The following NLRP11 variants were observed in gnomAD, a reference collection of about 807,000 sequenced individuals.
NLRP11 encodes the protein NACHT, LRR and PYD domains-containing protein 11.
NLRP11 carries 53 observed loss-of-function variants against 79.3 expected under a neutral mutation model. That is an observed-to-expected ratio of 0.67 (90% confidence interval 0.54 to 0.84). NLRP11 has a LOEUF of 0.84. Ranked by LOEUF, NLRP11 falls within the 40% of genes least tolerant of loss-of-function variation. The pLI is 0.00. For missense variants in NLRP11, 1,264 were observed against 1,255.0 expected, an observed-to-expected ratio of 1.01 and a Z score of -0.11; for synonymous variants, 518 against 462.6, an observed-to-expected ratio of 1.12 and a Z score of -1.54.
Position 55,801,636 on chromosome 19 carries a change from G to C in NLRP11, c.2107C>G (p.Leu703Val), listed in dbSNP as rs1031011088. 9 of 1,613,906 alleles carry C rather than the reference G, an allele frequency of 5.6e-6. No individual in the cohort carries two copies. In the African/African-American group the frequency reaches 1.2e-4, roughly 22 times the overall value. The stretch of plus-strand genomic sequence containing the variant: ...TCATGCAGAAGTGAAAACATATTTA[G>C]GGAAATGGACGTACAGTTGATACTC... Residue 703 changes from leucine (L) to valine (V), a missense_variant, in exon 5 of 10, where the codon CTA (leucine) becomes GTA (valine). Coordinates refer to ENST00000589093, the Ensembl canonical transcript of NLRP11.
intron 1 of NLRP11, among the ~76,000 whole-genome samples, chr19:55,830,042 CAA>C (rs1489603465): frequency 2.6e-5 from 4 of 152,154 alleles, no homozygotes; most frequent in African/African-American, 9.7e-5. Context: ...CAAAATTCTC[CAA>C]TATATTTATT....
intron 2 of NLRP11, among the ~76,000 whole-genome samples, chr19:55,813,716 G>A (rs1022551683): frequency 6.6e-6 from 1 of 152,146 alleles, no homozygotes; most frequent in African/African-American, 2.4e-5. Context: ...GAAGCAGGAA[G>A]GATTTCTATT....
chr19:55,806,765 A>G (rs947086044), intron 4 of NLRP11, among the ~76,000 whole-genome samples: 1 of 152,170 alleles, frequency 6.6e-6, no homozygotes, highest in African/African-American at 2.4e-5. Context: ...TGATCATGCC[A>G]TACATACTTG....
intron 9 of NLRP11, among the ~76,000 whole-genome samples, chr19:55,788,472 G>C (rs1290511835): frequency 6.6e-6 from 1 of 150,936 alleles, no homozygotes; most frequent in East Asian, 2.0e-4. Context: ...CAGGCGCGGT[G>C]GCTCACGCCT....
chr19:55,789,428 A>G, intron 7 of NLRP11, 29 bp from the exon 8 acceptor site: 1 of 1,587,330 alleles, frequency 6.3e-7, no homozygotes, highest in South Asian at 1.1e-5. Flanking sequence ...AGCTAGAGTC[A>G]TGACCACCTG....
At chr19:55,822,397 C>T (rs1309231035) in intron 1 of NLRP11, among the ~76,000 whole-genome samples, 4 of 152,206 alleles carry the variant, frequency 2.6e-5, no homozygotes, top group South Asian at 4.1e-4. Context: ...TTTTATCAGA[C>T]TGCAGGGAGG....
At chr19:55,833,960 A>C (rs1983025093), upstream of NLRP11, among the ~76,000 whole-genome samples, 1 of 151,780 alleles carries the variant, frequency 6.6e-6, no homozygotes, top group African/African-American at 2.4e-5. Flanking sequence ...AAAAAAAAAA[A>C]ATGGATCCCT....
chr19:55,816,729 G>A (rs1981151011), intron 2 of NLRP11, among the ~76,000 whole-genome samples: 1 of 152,150 alleles, frequency 6.6e-6, no homozygotes, highest in Admixed American at 6.5e-5. Flanking sequence ...GGATCTTATG[G>A]TTCTAGGACA....
intron 2 of NLRP11, among the ~76,000 whole-genome samples, chr19:55,816,515 A>G (rs765040517): frequency 6.6e-6 from 1 of 152,166 alleles, no homozygotes; most frequent in South Asian, 2.1e-4. Flanking sequence ...ATTGGAATAC[A>G]TGATTTTATC....
rs140837694 is a variant in NLRP11 at position 55,789,138 on chromosome 19, G to A, written c.2684+91C>T. 2.4e-5 allele frequency: 34 copies of A among 1,419,918 alleles called. No homozygotes were observed. In the African/African-American group the frequency reaches 2.4e-4, roughly 10 times the overall value. The allele number at this position is 1,419,918 out of a possible 1,614,324, so 88.0% of individuals were successfully genotyped here. A position where few individuals can be genotyped will look rare whatever the true frequency, so the allele number is the denominator to read the frequency against. Reference sequence around the variant, plus strand: ...TTTCAAACACTAGACTATTATGTCCGAGGTATTGTATTTCCCAATCCACTT... The same window carrying A: ...TTTCAAACACTAGACTATTATGTCCAAGGTATTGTATTTCCCAATCCACTT... On this transcript the variant is annotated intron_variant, in intron 8 of 9. Transcript: ENST00000589093.
intron 6 of NLRP11, among the ~76,000 whole-genome samples, chr19:55,795,359 C>G (rs578170559): frequency 1.3e-5 from 2 of 152,152 alleles, no homozygotes; most frequent in South Asian, 4.1e-4. Flanking sequence ...TCTTTGTGTT[C>G]TCAGTCACAT....
At chr19:55,788,678 T>G in intron 9 of NLRP11, 129 bp downstream of exon 9, 1 of 630,098 alleles carries the variant, frequency 1.6e-6, no homozygotes, top group South Asian at 2.2e-5. Flanking sequence ...AGGCTGATGT[T>G]GCAATGAGCC....
At chr19:55,785,403 T>C, downstream of NLRP11, 1 of 455,696 alleles carries the variant, frequency 2.2e-6, no homozygotes. Flanking sequence ...CACAGCTTTT[T>C]CCAATGCATT....
intron 5 of NLRP11, among the ~76,000 whole-genome samples, chr19:55,797,243 G>T (rs1429543903): frequency 6.6e-6 from 1 of 152,010 alleles, no homozygotes; most frequent in African/African-American, 2.4e-5. Context: ...AGGCTGCAGT[G>T]AGCTATGATC....
chr19:55,828,507 C>G (rs1042807738), intron 1 of NLRP11, among the ~76,000 whole-genome samples: 1 of 152,154 alleles, frequency 6.6e-6, no homozygotes, highest in Non-Finnish European at 1.5e-5. Flanking sequence ...CTCATTGCAA[C>G]AAATTTTAAA....
At chr19:55,828,741 G>A (rs1182845741) in intron 1 of NLRP11, among the ~76,000 whole-genome samples, 1 of 151,986 alleles carries the variant, frequency 6.6e-6, no homozygotes, top group Non-Finnish European at 1.5e-5. Context: ...GGAATGATTG[G>A]GACTTAATAT....
intron 1 of NLRP11, among the ~76,000 whole-genome samples, chr19:55,831,466 G>A (rs1600209817): frequency 1.3e-5 from 2 of 152,170 alleles, no homozygotes; most frequent in African/African-American, 4.8e-5. Context: ...GGAGTCTGAG[G>A]TGGGAGAGTC....
At chr19:55,821,227 A>C (rs906026629) in intron 1 of NLRP11, among the ~76,000 whole-genome samples, 3 of 105,478 alleles carry the variant, frequency 2.8e-5, no homozygotes, top group Non-Finnish European at 5.1e-5. Context: ...ACACACACAC[A>C]CACACACACA....
At chr19:55,803,101 C>A (rs1463521540) in intron 4 of NLRP11, among the ~76,000 whole-genome samples, 1 of 152,134 alleles carries the variant, frequency 6.6e-6, no homozygotes, top group African/African-American at 2.4e-5. Flanking sequence ...GTAATCCCAG[C>A]ACTTTGGGAG....
Sources: allele counts gnomAD v4.1 joint callset (sites outside exome capture counted in the v4.1 genomes callset), GRCh38; gene constraint gnomAD v4.1.1; transcripts MANE v1.5; gene names NCBI Gene and HGNC (gene_info 2026-07-23, HGNC 2026-07-21).